The following COL24A1 variants were observed in gnomAD, a reference collection of about 807,000 sequenced individuals.
COL24A1 encodes the protein collagen type XXIV alpha 1 chain, also known as collagen alpha-1(XXIV) chain.
A neutral mutation model predicts 253.9 loss-of-function variants in COL24A1; 224 were observed. The ratio of observed to expected loss-of-function variants is 0.88; its 90% CI spans 0.79 to 0.99. The LOEUF (loss-of-function observed/expected upper bound fraction) is 0.99. Among genes scored for constraint, COL24A1 ranks in the 50% least tolerant of loss-of-function variants. The probability of loss-of-function intolerance (pLI) is 0.00; values close to 1 mark genes in which losing one functional copy is unlikely to be tolerated. For synonymous variants in COL24A1, 685 were observed against 673.7 expected (o/e 1.02, Z -0.26); for missense variants, 2,131 against 2,068.5 (o/e 1.03, Z -0.59).
At chr1:85,961,532 A>T (rs1445892985) in intron 23 of COL24A1, among the ~76,000 whole-genome samples, 2 of 152,188 alleles carry the variant, frequency 1.3e-5, no homozygotes, top group African/African-American at 4.8e-5. Context: ...AAAAATTTTT[A>T]AAAACTCTGT....
intron 32 of COL24A1, among the ~76,000 whole-genome samples, chr1:85,886,561 A>T (rs553393606): frequency 6.6e-6 from 1 of 151,888 alleles, no homozygotes; most frequent in South Asian, 2.1e-4. Context: ...GCTACTCGGG[A>T]GGCTGAGGTA....
intron 37 of COL24A1, among the ~76,000 whole-genome samples, chr1:85,865,729 A>G (rs1048513092): frequency 2.6e-5 from 4 of 152,196 alleles, no homozygotes; most frequent in African/African-American, 9.6e-5. Context: ...TATACATACT[A>G]AAGTATGAAT....
intron 5 of COL24A1, among the ~76,000 whole-genome samples, chr1:86,107,486 G>A (rs143242141): frequency 6.6e-6 from 1 of 151,998 alleles, no homozygotes; most frequent in Non-Finnish European, 1.5e-5. Context: ...AGCTTTATAT[G>A]ATACATTTGT....
intron 24 of COL24A1, among the ~76,000 whole-genome samples, chr1:85,953,792 A>G (rs2100603920): frequency 6.6e-6 from 1 of 152,344 alleles, no homozygotes; most frequent in East Asian, 1.9e-4. Flanking sequence ...TGTCACAGGC[A>G]CATATACAGA....
intron 19 of COL24A1, among the ~76,000 whole-genome samples, chr1:86,008,812 T>C (rs899379891): frequency 2.0e-5 from 3 of 151,912 alleles, no homozygotes; most frequent in African/African-American, 7.2e-5. Context: ...AAAATTAACA[T>C]TGAAAAATCA....
intron 47 of COL24A1, among the ~76,000 whole-genome samples, chr1:85,800,665 T>C (rs1358215969): frequency 6.6e-6 from 1 of 152,146 alleles, no homozygotes; most frequent in Non-Finnish European, 1.5e-5. Flanking sequence ...TGAACACTAT[T>C]ACTGATGCAA....
intron 13 of COL24A1, 87 bp downstream of exon 13, chr1:86,033,783 C>T (rs1698778821): frequency 3.4e-6 from 4 of 1,191,404 alleles, no homozygotes; most frequent in Non-Finnish European, 3.6e-6. Flanking sequence ...TGTTTATTCA[C>T]AAATATGATA....
At chr1:85,890,215 G>A (rs370135231) in intron 31 of COL24A1, among the ~76,000 whole-genome samples, 3 of 152,074 alleles carry the variant, frequency 2.0e-5, no homozygotes, top group African/African-American at 7.2e-5. Flanking sequence ...ATGGGTATGC[G>A]AGTATCTGTA....
chr1:85,805,225 T>C (rs1330079822), intron 47 of COL24A1, among the ~76,000 whole-genome samples: 2 of 152,206 alleles, frequency 1.3e-5, no homozygotes, highest in Non-Finnish European at 2.9e-5. Context: ...TTGCTGCTAT[T>C]GTTTAAAATA....
chr1:85,771,906 G>A (rs958493975), intron 53 of COL24A1, among the ~76,000 whole-genome samples: 8 of 147,976 alleles, frequency 5.4e-5, no homozygotes, highest in East Asian at 2.0e-4. Context: ...CCACTAACTC[G>A]TCATCTAGCA....
intron 37 of COL24A1, 30 bp downstream of exon 37, chr1:85,868,489 G>C (rs1303061748): frequency 6.7e-7 from 1 of 1,486,624 alleles, no homozygotes; most frequent in South Asian, 1.1e-5. Context: ...AATTCACTTA[G>C]TATTTGAAAG....
At chr1:85,967,170 C>T (rs72954569) in intron 22 of COL24A1, among the ~76,000 whole-genome samples, 1,792 of 152,166 alleles carry the variant, frequency 0.012, 29 homozygotes, top group African/African-American at 0.04. Context: ...TGGGTAGATG[C>T]AATGTCAGAA....
chr1:85,852,966 T>A (rs1188695072), intron 37 of COL24A1, among the ~76,000 whole-genome samples: 1 of 152,158 alleles, frequency 6.6e-6, no homozygotes, highest in Non-Finnish European at 1.5e-5. Context: ...GTTTTATTTT[T>A]TCTATCTAAC....
intron 5 of COL24A1, among the ~76,000 whole-genome samples, chr1:86,095,814 T>C (rs1254378657): frequency 1.3e-5 from 2 of 152,136 alleles, no homozygotes; most frequent in African/African-American, 2.4e-5. Flanking sequence ...AAATTGCCTA[T>C]TCTTTGTTAC....
At chr1:85,783,600 C>T in intron 50 of COL24A1, 42 bp from the exon 51 acceptor site, 6 of 1,536,928 alleles carry the variant, frequency 3.9e-6, no homozygotes, top group Non-Finnish European at 5.4e-6. Flanking sequence ...ATTTGTAGCT[C>T]TATATGAACA....
intron 5 of COL24A1, among the ~76,000 whole-genome samples, chr1:86,106,022 T>C (rs2102086082): frequency 6.6e-6 from 1 of 152,344 alleles, no homozygotes; most frequent in African/African-American, 2.4e-5. Flanking sequence ...CAGTGGCAGC[T>C]GTTCCACCTG....
chr1:85,868,765 T>G lies in COL24A1; in HGVS notation c.3192+17A>C. On this transcript the variant is annotated intron_variant, in intron 36 of 59. Transcript: ENST00000370571. ...CAAAACATCTATTTTATATATAATC[T>G]TAAAAGTATAATTTACCTTTAACCC... The G allele has an allele frequency of 6.6e-7, 1 of 1,506,898 alleles. No homozygotes were observed. Among genetic ancestry groups the G allele is most frequent in the Non-Finnish European group, 9.0e-7 (1 of 1,110,586 alleles). The allele number at this position is 1,506,898 out of a possible 1,614,324, so 93.3% of individuals were successfully genotyped here.
chr1:85,940,690 A>G (rs538035745), intron 24 of COL24A1, among the ~76,000 whole-genome samples: 3 of 152,218 alleles, frequency 2.0e-5, no homozygotes, highest in Admixed American at 2.0e-4. Context: ...GTATCCAAAT[A>G]GGGATTTCAG....
chr1:85,775,695 T>A lies in COL24A1; in HGVS notation c.4353A>T (p.Glu1451Asp). The A allele has an allele frequency of 6.2e-7, 1 of 1,607,970 alleles. No homozygotes were observed. The highest frequency in any genetic ancestry group is 8.5e-7 in the Non-Finnish European group (1 of 1,177,980). The stretch of plus-strand genomic sequence containing the variant: ...TTACAGTTTCACCTCTAAAGCCCTT[T>A]TCACCTCTGGGTCCCTAAAAGAAAA... ...GPTGRTGPRG[E>D]KGFRGETGPQ... The change falls in exon 53 of 60, where the codon GAA becomes GAT. Residue 1451 changes from glutamate (E) to aspartate (D), a missense_variant. Physicochemically the swap from Glu to Asp is conservative, Grantham distance 45. Coordinates refer to ENST00000370571, the MANE Select transcript of COL24A1 (RefSeq NM_152890.7).
Sources: gnomAD v4.1 joint callset for allele counts (sites outside exome capture counted in the v4.1 genomes callset) on GRCh38, gnomAD v4.1.1 for gene constraint, MANE v1.5 for transcripts, NCBI Gene and HGNC (gene_info 2026-07-23, HGNC 2026-07-21) for gene names.